Variants in RIMKLA observed in about 807,000 individuals in gnomAD.
RIMKLA encodes the protein N-acetylaspartylglutamate synthase A.
RIMKLA carries 14 observed loss-of-function variants against 32.7 expected under a neutral mutation model. The observed-to-expected ratio is 0.43, with a 90% CI of 0.28 to 0.67. The LOEUF (loss-of-function observed/expected upper bound fraction) is 0.67. Among genes scored for constraint, RIMKLA ranks in the 30% least tolerant of loss-of-function variants. The probability of loss-of-function intolerance (pLI) is 0.18; values close to 1 mark genes in which losing one functional copy is unlikely to be tolerated. For synonymous variants in RIMKLA, 176 were observed against 204.1 expected, an observed-to-expected ratio of 0.86 and a Z score of 1.18; for missense variants, 410 against 519.0, an observed-to-expected ratio of 0.79 and a Z score of 2.04.
chr1:42,407,515 G>A (rs1643158001), intron 3 of RIMKLA, among the ~76,000 whole-genome samples: 1 of 152,082 alleles, frequency 6.6e-6, no homozygotes, highest in Admixed American at 6.5e-5. Context: ...GTATGAGGTA[G>A]GGGTTCAACT....
rs777027519 is a variant in RIMKLA at position 42,385,838 on chromosome 1, T to TTCTCTCTCTCTCTC, written c.163+4744_163+4745insCTCTCTCTCTCTCT. Among the ~76,000 whole-genome samples the TTCTCTCTCTCTCTC allele has an allele frequency of 8.6e-5, 6 of 69,572 alleles. 2 individuals are homozygous for TTCTCTCTCTCTCTC. Among genetic ancestry groups the TTCTCTCTCTCTCTC allele is most frequent in the African/African-American group, 1.8e-4 (4 of 22,598 alleles). 45.6% of individuals were successfully genotyped at this position (69,572 alleles called of 152,430 possible). ...TTCCTTCCTTCCTTCCTTTCTTTCTTTCTTTCTCTTTCTTTCTTTCTTTCT... is the reference window on the plus strand; with the variant it reads ...TTCCTTCCTTCCTTCCTTTCTTTCTTTCTCTCTCTCTCTCTCTTTCTCTTTCTTTCTTTCTTTCT... On this transcript the variant is annotated intron_variant, in intron 1 of 4. Transcript: ENST00000431473.
intron 1 of RIMKLA, among the ~76,000 whole-genome samples, chr1:42,383,432 A>G (rs1642908600): frequency 6.6e-6 from 1 of 152,228 alleles, no homozygotes; most frequent in Non-Finnish European, 1.5e-5. Context: ...TCAGTGCTAT[A>G]ATAGTGGCCA....
Position 42,424,218 on chromosome 1 carries a change from C to T in RIMKLA, c.*9244C>T, listed in dbSNP as rs796371736. Among the ~76,000 whole-genome samples, 6 of 152,190 alleles carry T rather than the reference C, an allele frequency of 3.9e-5. No individual in the cohort carries two copies. Among genetic ancestry groups the T allele is most frequent in the African/African-American group, 9.6e-5 (4 of 41,506 alleles). On this transcript the variant is annotated 3_prime_UTR_variant, in exon 5 of 5. Coordinates refer to ENST00000431473, the MANE Select transcript of RIMKLA (RefSeq NM_173642.4). ...TTTTTAGAAAATACACATTAAATAT[C>T]GAGGGATAGAGGTACATCATGTTTG...
chr1:42,411,174 T>G (rs1379778237), intron 4 of RIMKLA, among the ~76,000 whole-genome samples: 5 of 152,024 alleles, frequency 3.3e-5, no homozygotes, highest in African/African-American at 1.2e-4. Context: ...TACAAATTTT[T>G]TTTTTAAAGT....
chr1:42,383,287 C>T (rs996304786), intron 1 of RIMKLA, among the ~76,000 whole-genome samples: 6 of 152,082 alleles, frequency 3.9e-5, no homozygotes, highest in Non-Finnish European at 5.9e-5. Context: ...CTGTTAATTC[C>T]GAGGTAGCCT....
chr1:42,414,472 C>T lies in RIMKLA; in HGVS notation c.686-12C>T. The T allele has an allele frequency of 1.9e-6, 3 of 1,612,644 alleles. No homozygotes were observed. The highest frequency in any genetic ancestry group is 2.5e-6 in the Non-Finnish European group (3 of 1,179,146). On this transcript the variant is annotated splice_polypyrimidine_tract_variant and intron_variant, in intron 4 of 4. Coordinates refer to ENST00000431473, the MANE Select transcript of RIMKLA (RefSeq NM_173642.4). ...CAGTTGTCACCTTTACATCACTGTG[C>T]TTTCCCCACAGGTGGCGTGGGCGTC...
At chr1:42,406,407 A>G (rs1643147787) in intron 3 of RIMKLA, among the ~76,000 whole-genome samples, 1 of 152,088 alleles carries the variant, frequency 6.6e-6, no homozygotes, top group Non-Finnish European at 1.5e-5. Flanking sequence ...GCAACCACTG[A>G]CCTATTATTA....
rs536574128 is a variant in RIMKLA at position 42,418,827 on chromosome 1, C to T, written c.*3853C>T. 1.3e-5 allele frequency: 2 copies of T among 152,298 alleles called. No homozygotes were observed. The highest frequency in any genetic ancestry group is 1.9e-4 in the East Asian group (1 of 5,196). 9.4% of individuals were successfully genotyped at this position (152,298 alleles called of 1,614,324 possible). On this transcript the variant is annotated 3_prime_UTR_variant, in exon 5 of 5. Transcript: ENST00000431473. ...GACCCTCCCAGAGGCTAATGAACCACAGTGCTGTGTGCAGGCATAGCCTTA... is the reference window on the plus strand; with the variant it reads ...GACCCTCCCAGAGGCTAATGAACCATAGTGCTGTGTGCAGGCATAGCCTTA...
intron 1 of RIMKLA, among the ~76,000 whole-genome samples, chr1:42,391,308 A>C (rs1425366905): frequency 6.6e-6 from 1 of 152,120 alleles, no homozygotes. Context: ...GAACAGAGGG[A>C]GTGACCTGGG....
In RIMKLA at chr1:42,422,773, G is replaced by A. The variant is rs1222721950; in HGVS notation, c.*7799G>A. 2.0e-5 allele frequency among the ~76,000 whole-genome samples: 3 copies of A among 152,152 alleles called. No individual in the cohort carries two copies. Among genetic ancestry groups the A allele is most frequent in the Admixed American group, 1.3e-4 (2 of 15,274 alleles). On this transcript the variant is annotated 3_prime_UTR_variant, in exon 5 of 5. Coordinates refer to ENST00000431473, the MANE Select transcript of RIMKLA (RefSeq NM_173642.4). ...AAAAACTATAATTTTCCTTTCAAAC[G>A]CAGAGTGCCGTCTGAATTGTAATAC...
intron 1 of RIMKLA, among the ~76,000 whole-genome samples, chr1:42,394,233 T>C (rs1643023189): frequency 6.6e-6 from 1 of 152,268 alleles, no homozygotes; most frequent in South Asian, 2.1e-4. Context: ...AGTATCCTGC[T>C]GTTTTCTTAA....
chr1:42,399,391 C>T lies in RIMKLA; in HGVS notation c.164-13C>T. On this transcript the variant is annotated splice_polypyrimidine_tract_variant and intron_variant, in intron 1 of 4. Coordinates refer to ENST00000431473, the MANE Select transcript of RIMKLA (RefSeq NM_173642.4). Reference sequence around the variant, plus strand: ...TAGCAGGCACAGCACTCACTGTTGTCCTTGAATTGCAGGCCTCCAGCTAAA... The same window carrying T: ...TAGCAGGCACAGCACTCACTGTTGTTCTTGAATTGCAGGCCTCCAGCTAAA... 6.3e-7 allele frequency: 1 copy of T among 1,582,216 alleles called. No homozygotes were observed. Among genetic ancestry groups the T allele is most frequent in the Non-Finnish European group, 8.6e-7 (1 of 1,158,134 alleles).
At position 42,385,878 on chromosome 1, in the gene RIMKLA, CTTTCTTTCTTT is replaced by C; in HGVS notation, c.163+4782_163+4792del. Among the ~76,000 whole-genome samples the C allele has an allele frequency of 7.7e-5, 7 of 90,534 alleles. 1 individual carries two copies. In the South Asian group the frequency reaches 2.5e-3, roughly 32 times the overall value. 59.4% of individuals were successfully genotyped at this position (90,534 alleles called of 152,430 possible). A position where few individuals can be genotyped will look rare whatever the true frequency, so the allele number is the denominator to read the frequency against. On this transcript the variant is annotated intron_variant, in intron 1 of 4. Coordinates refer to ENST00000431473, the MANE Select transcript of RIMKLA (RefSeq NM_173642.4). ...TCTTTCTTTCTTTCTTTCTTTCTTT[CTTTCTTTCTTT>C]CTTTCTTTCCTTCTTTCCTTCTTTC...
At chr1:42,401,149 CT>C (rs1643093709) in intron 2 of RIMKLA, among the ~76,000 whole-genome samples, 1 of 152,078 alleles carries the variant, frequency 6.6e-6, no homozygotes, top group Non-Finnish European at 1.5e-5. Flanking sequence ...CTAGATCCCC[CT>C]GCATGTGCAG....
chr1:42,407,552 T>C (rs1286576690), intron 3 of RIMKLA, among the ~76,000 whole-genome samples: 1 of 152,194 alleles, frequency 6.6e-6, no homozygotes, highest in Non-Finnish European at 1.5e-5. Flanking sequence ...GGATATCCAG[T>C]TTTCCCAGTA....
intron 4 of RIMKLA, among the ~76,000 whole-genome samples, chr1:42,413,729 G>A (rs917839121): frequency 1.3e-5 from 2 of 151,204 alleles, no homozygotes; most frequent in Non-Finnish European, 2.9e-5. Flanking sequence ...CAAGCTGTCT[G>A]TGGGCATTAT....
At chr1:42,395,886 A>C (rs992627684) in intron 1 of RIMKLA, among the ~76,000 whole-genome samples, 2 of 152,174 alleles carry the variant, frequency 1.3e-5, no homozygotes, top group Non-Finnish European at 2.9e-5. Context: ...TACTATTAGA[A>C]ATATGATGGC....
chr1:42,403,494 A>G (rs1643118325), intron 2 of RIMKLA, among the ~76,000 whole-genome samples: 1 of 152,238 alleles, frequency 6.6e-6, no homozygotes. Flanking sequence ...GATATAGTAT[A>G]TATAAGAACC....
intron 1 of RIMKLA, among the ~76,000 whole-genome samples, chr1:42,381,402 T>C (rs1557748244): frequency 6.6e-6 from 1 of 152,210 alleles, no homozygotes; most frequent in African/African-American, 2.4e-5. Flanking sequence ...ATCAGGCTGT[T>C]AAACCCCACA....
Sources: allele counts gnomAD v4.1 joint callset (sites outside exome capture counted in the v4.1 genomes callset), GRCh38; gene constraint gnomAD v4.1.1; transcripts MANE v1.5; gene names NCBI Gene and HGNC (gene_info 2026-07-23, HGNC 2026-07-21).